Variants in TMC5 observed in about 807,000 individuals in gnomAD.
TMC5 encodes the protein transmembrane channel-like protein 5.
A neutral mutation model predicts 110.5 loss-of-function variants in TMC5; 86 were observed. The ratio of observed to expected loss-of-function variants is 0.78; its 90% CI spans 0.65 to 0.93. The LOEUF is 0.93. Ranked by LOEUF, TMC5 falls within the 40% of genes least tolerant of loss-of-function variation. TMC5 has a pLI of 0.00. For missense variants in TMC5, 1,144 were observed against 1,222.8 expected (o/e 0.94, Z 0.96); for synonymous variants, 455 against 439.5 (o/e 1.04, Z -0.44).
intron 15 of TMC5, among the ~76,000 whole-genome samples, chr16:19,484,285 T>C (rs773656704): frequency 6.6e-6 from 1 of 152,180 alleles, no homozygotes; most frequent in Non-Finnish European, 1.5e-5. Context: ...AGTGAGGACC[T>C]TTCTTTTGTA....
At chr16:19,415,965 G>A (rs1210343336), upstream of TMC5, among the ~76,000 whole-genome samples, 2 of 152,152 alleles carry the variant, frequency 1.3e-5, no homozygotes. Context: ...ATGATCACTT[G>A]AGCCCAGTAG....
rs543497025 is a variant in TMC5 at position 19,485,837 on chromosome 16, C to T, written c.2364-1108C>T. 1.1e-4 allele frequency among the ~76,000 whole-genome samples: 16 copies of T among 152,284 alleles called. No homozygotes were observed. The South Asian group carries it at 2.3e-3, about 22-fold the overall frequency. ...TGAGATTTTCTCCTTTTGTTGCTCA[C>T]GAGCACCGCGGGAGAGTTGTAAAGG... On this transcript the variant is annotated intron_variant, in intron 15 of 21. Transcript: ENST00000542583.
Position 19,419,402 on chromosome 16 carries a change from G to GTTTTTTTTT in TMC5, c.-308+1330_-308+1338dup, listed in dbSNP as rs55696911. 2.0e-3 allele frequency among the ~76,000 whole-genome samples: 130 copies of GTTTTTTTTT among 65,650 alleles called. 30 individuals carry two copies. The highest frequency in any genetic ancestry group is 2.9e-3 in the Non-Finnish European group (103 of 36,052). 43.1% of individuals were successfully genotyped at this position (65,650 alleles called of 152,430 possible). A position where few individuals can be genotyped will look rare whatever the true frequency, so the allele number is the denominator to read the frequency against. ...AAGCTCAGTGGAAATGAATGTGTTG[G>GTTTTTTTTT]TTTTTTTTTTTTTTTTTTTTTTTTT... On this transcript the variant is annotated intron_variant, in intron 1 of 21. Transcript: ENST00000542583.
chr16:19,466,274 T>C, intron 9 of TMC5, 41 bp downstream of exon 9: 1 of 1,604,566 alleles, frequency 6.2e-7, no homozygotes, highest in Non-Finnish European at 8.5e-7. Flanking sequence ...AGGGTCATGT[T>C]AGATTTCAGC....
chr16:19,440,450 G>A lies in TMC5; in HGVS notation c.412G>A (p.Ala138Thr), dbSNP rs1391717524. ...YPGSQRNPDF[A>T]GSSSSGNYAG... ...TGGATCTCAACGAAATCCTGATTTT[G>A]CAGGCTCCAGCAGCAGTGGAAACTA... Residue 138 changes from alanine (A) to threonine (T), a missense_variant, in exon 3 of 22, where the codon GCA becomes ACA. Transcript: ENST00000542583. 8 of 1,613,948 alleles carry A rather than the reference G, an allele frequency of 5.0e-6. No individual in the cohort carries two copies. Among genetic ancestry groups the A allele is most frequent in the South Asian group, 1.1e-5 (1 of 91,062 alleles).
intron 2 of TMC5, among the ~76,000 whole-genome samples, chr16:19,433,007 TATACACATATA>T (rs1967226094): frequency 6.6e-6 from 1 of 152,168 alleles, no homozygotes; most frequent in Non-Finnish European, 1.5e-5. Context: ...ATACATATAA[TATACACATATA>T]ATACACATAT....
chr16:19,433,219 T>C (rs1967231031), intron 2 of TMC5, among the ~76,000 whole-genome samples: 1 of 152,174 alleles, frequency 6.6e-6, no homozygotes, highest in Non-Finnish European at 1.5e-5. Context: ...CTACTGTGGG[T>C]AGGTGCAGGT....
At chr16:19,447,323 T>C (rs1967636832) in intron 4 of TMC5, among the ~76,000 whole-genome samples, 1 of 152,082 alleles carries the variant, frequency 6.6e-6, no homozygotes, top group Non-Finnish European at 1.5e-5. Flanking sequence ...ACACGGTATC[T>C]TTAAAAGCCT....
At chr16:19,470,896 C>T (rs551810034) in intron 10 of TMC5, among the ~76,000 whole-genome samples, 5 of 151,748 alleles carry the variant, frequency 3.3e-5, no homozygotes, top group Middle Eastern at 3.4e-3. Context: ...AGTAGCCGGG[C>T]GTGGTGGCGG....
chr16:19,437,983 A>C (rs1967384759), intron 2 of TMC5, among the ~76,000 whole-genome samples: 1 of 152,176 alleles, frequency 6.6e-6, no homozygotes. Context: ...CACCTGAGTC[A>C]TGTGACCATC....
upstream of TMC5, among the ~76,000 whole-genome samples, chr16:19,417,541 G>C (rs976501225): frequency 6.7e-6 from 1 of 149,774 alleles, no homozygotes; most frequent in Non-Finnish European, 1.5e-5. Context: ...ACACTCTAGG[G>C]TTAAAAAAAA....
At chr16:19,489,319 C>G (rs1054250838) in intron 17 of TMC5, among the ~76,000 whole-genome samples, 1 of 152,136 alleles carries the variant, frequency 6.6e-6, no homozygotes, top group South Asian at 2.1e-4. Context: ...CATCACCATG[C>G]CTGGCTAATT....
intron 5 of TMC5, among the ~76,000 whole-genome samples, chr16:19,454,689 G>A (rs1435957857): frequency 2.0e-5 from 3 of 152,162 alleles, no homozygotes; most frequent in East Asian, 3.9e-4. Flanking sequence ...AACAGTGTCC[G>A]TTCAGCTCTC....
chr16:19,493,463 C>CTCTCTCTCTCTCTT (rs748855852), intron 19 of TMC5, among the ~76,000 whole-genome samples: 16 of 58,018 alleles, frequency 2.8e-4, no homozygotes, highest in African/African-American at 5.3e-4. Flanking sequence ...CTCTCTCTCT[C>CTCTCTCTCTCTCTT]TCTTTTTTTT....
intron 2 of TMC5, among the ~76,000 whole-genome samples, chr16:19,430,900 C>T (rs886941418): frequency 2.8e-5 from 4 of 144,050 alleles, no homozygotes; most frequent in African/African-American, 1.0e-4. Flanking sequence ...CGCTCTGTCG[C>T]CAGGCTGGAG....
intron 8 of TMC5, among the ~76,000 whole-genome samples, chr16:19,465,217 C>T (rs569413098): frequency 7.3e-4 from 111 of 151,798 alleles, no homozygotes; most frequent in African/African-American, 2.3e-3. Context: ...TCTGTGTCCG[C>T]CCCCGCCTTA....
chr16:19,472,903 T>G (rs1009279994), intron 11 of TMC5, among the ~76,000 whole-genome samples: 5 of 152,112 alleles, frequency 3.3e-5, no homozygotes, highest in Admixed American at 1.3e-4. Flanking sequence ...TATGGGAATG[T>G]GAGATATCAG....
upstream of TMC5, among the ~76,000 whole-genome samples, chr16:19,417,111 AAAAGAAGAAAAG>A (rs1966882476): frequency 6.7e-6 from 1 of 149,478 alleles, no homozygotes; most frequent in African/African-American, 2.5e-5. Flanking sequence ...AAAAAAAAAA[AAAAGAAGAAAAG>A]AAAAACGTGT....
chr16:19,455,650 C>T (rs907459375), intron 5 of TMC5, among the ~76,000 whole-genome samples: 2 of 152,234 alleles, frequency 1.3e-5, no homozygotes, highest in Middle Eastern at 3.4e-3. Context: ...CAAACTGTCC[C>T]CTTAGAAAGA....
Sources: gnomAD v4.1 joint callset for allele counts (sites outside exome capture counted in the v4.1 genomes callset) on GRCh38, gnomAD v4.1.1 for gene constraint, MANE v1.5 for transcripts, NCBI Gene and HGNC (gene_info 2026-07-23, HGNC 2026-07-21) for gene names.